The following MIDEAS variants were observed in gnomAD, a reference collection of about 807,000 sequenced individuals.
MIDEAS encodes mitotic deacetylase-associated SANT domain protein.
In MIDEAS, 26 loss-of-function variants were observed where a neutral mutation model predicts 102.7. That is an observed-to-expected ratio of 0.25 (90% CI 0.19 to 0.35). The LOEUF (loss-of-function observed/expected upper bound fraction) is 0.35. Ranked by LOEUF, MIDEAS falls within the 10% of genes least tolerant of loss-of-function variation. The pLI, the probability that MIDEAS is intolerant of heterozygous loss-of-function variation, is 1.00. For missense variants in MIDEAS, 1,231 were observed against 1,435.6 expected, an observed-to-expected ratio of 0.86 and a Z score of 2.30; for synonymous variants, 585 against 591.0, an observed-to-expected ratio of 0.99 and a Z score of 0.15.
At chr14:73,771,014 C>T (rs1016622418) in intron 1 of MIDEAS, among the ~76,000 whole-genome samples, 7 of 152,082 alleles carry the variant, frequency 4.6e-5, no homozygotes, top group African/African-American at 1.7e-4. Flanking sequence ...GGAATAAACA[C>T]GATATTCTAG....
chr14:73,729,675 G>A lies in MIDEAS; in HGVS notation c.2060C>T (p.Thr687Met), dbSNP rs746905886. The part of the protein sequence containing the change: ...TSTIPAPPPI[T>M]PKSAHRTLLR... ...CAGCGTGCGATGGGCACTCTTAGGCGTGATGGGAGGAGGGGCAGGGATGGT... is the reference window on the plus strand; with the variant it reads ...CAGCGTGCGATGGGCACTCTTAGGCATGATGGGAGGAGGGGCAGGGATGGT... The change falls in exon 4 of 13, where the codon ACG becomes ATG. Residue 687 changes from threonine (T) to methionine (M), a missense_variant. Around this residue, in one of 5 missense-constraint regions of MIDEAS, gnomAD observed 391 missense variants for 483.0 expected, o/e 0.81. Coordinates refer to ENST00000423556, the MANE Select transcript of MIDEAS (RefSeq NM_001367710.1). The A allele has an allele frequency of 8.1e-6, 13 of 1,613,472 alleles. No homozygotes were observed. In the Admixed American group the frequency reaches 1.5e-4, roughly 19 times the overall value.
In MIDEAS at chr14:73,719,443, C is replaced by T. The variant is rs1391436607; in HGVS notation, c.2996G>A (p.Gly999Asp). The T allele has an allele frequency of 7.4e-6, 12 of 1,613,944 alleles. No homozygotes were observed. Among genetic ancestry groups the T allele is most frequent in the Non-Finnish European group, 1.0e-5 (12 of 1,180,004 alleles). ...HESNAPGSAG[G>D]QASEKPREGT... is the part of the protein sequence containing the mutation. The stretch of plus-strand genomic sequence containing the variant: ...TTCCCTTGGCTTCTCCGAGGCCTGG[C>T]CACCGGCAGACCCAGGGGCGTTGGA... The change falls in exon 12 of 13, where the codon GGC becomes GAC. Residue 999 changes from glycine to aspartate, a missense_variant. By Grantham distance (94) the Gly-to-Asp change is moderately conservative. Around this residue, in one of 5 missense-constraint regions of MIDEAS, gnomAD observed 391 missense variants for 483.0 expected, o/e 0.81. Transcript: ENST00000423556.
rs115389933 is a variant in MIDEAS at position 73,786,218 on chromosome 14, T to A, written c.-248+884A>T. Among the ~76,000 whole-genome samples the A allele has an allele frequency of 9.0e-3, 1,367 of 152,304 alleles. 25 individuals carry two copies. Among genetic ancestry groups the A allele is most frequent in the African/African-American group, 0.032 (1,323 of 41,574 alleles). On this transcript the variant is annotated intron_variant, in intron 1 of 11. Transcript: ENST00000394071. ...CTGGCCCGGGCCGCCAGCCCCTAGT[T>A]ACTCTGCAGGAATGTCCCAAACTTC...
At chr14:73,752,311 T>C (rs941880523) in intron 1 of MIDEAS, among the ~76,000 whole-genome samples, 2 of 152,102 alleles carry the variant, frequency 1.3e-5, no homozygotes, top group Non-Finnish European at 2.9e-5. Context: ...CCCAGGTAGA[T>C]GTTCTCACAC....
At chr14:73,786,769 G>A (rs1236982722) in intron 1 of MIDEAS, among the ~76,000 whole-genome samples, 2 of 152,248 alleles carry the variant, frequency 1.3e-5, no homozygotes, top group Non-Finnish European at 2.9e-5. Context: ...CCAGCCTGCA[G>A]GGATGGAGGC....
rs568369589 is a variant in MIDEAS, at chr14:73,739,686, G to A, written c.323C>T (p.Pro108Leu). ...PNSVMAPGRG[P>L]ERGGGGGVSD... ...GACACCCCCACCTCCTCCACGCTCC[G>A]GGCCCCGCCCTGGAGCCATCACAGA... is the stretch of plus-strand genomic sequence containing the variant. Residue 108 changes from proline to leucine, a missense_variant, in exon 2 of 13, where the codon CCG becomes CTG. Transcript: ENST00000423556. 4.4e-5 allele frequency: 71 copies of A among 1,613,832 alleles called. 2 individuals are homozygous for A. Among genetic ancestry groups the A allele is most frequent in the South Asian group, 4.1e-4 (37 of 91,060 alleles).
rs900431263 is a variant in MIDEAS, at chr14:73,759,512, G to T, written c.-248+251C>A. Among the ~76,000 whole-genome samples the T allele has an allele frequency of 6.7e-6, 1 of 150,024 alleles. No individual in the cohort carries two copies. The highest frequency in any genetic ancestry group is 1.5e-5 in the Non-Finnish European group (1 of 67,218). On this transcript the variant is annotated intron_variant, in intron 1 of 12. Coordinates refer to ENST00000423556, the MANE Select transcript of MIDEAS (RefSeq NM_001367710.1). The surrounding 1 kb of genome is among the most constrained non-coding windows in gnomAD (Gnocchi z 6.7). Reference sequence around the variant, plus strand: ...GGCTGCGCTGCACACGCAGCTGCGGGCCGAGGGCGCGGACCGCGGGGGAGG... The same window carrying T: ...GGCTGCGCTGCACACGCAGCTGCGGTCCGAGGGCGCGGACCGCGGGGGAGG...
chr14:73,717,934 G>GC lies in MIDEAS; in HGVS notation c.*908dup, dbSNP rs11454926. 1 allele frequency: 152,316 copies of GC among 152,318 alleles called. 76,157 individuals carry two copies. Among genetic ancestry groups the GC allele is most frequent in the Middle Eastern group, 1 (294 of 294 alleles). The allele number at this position is 152,318 out of a possible 1,614,324, so 9.4% of individuals were successfully genotyped here. ...GGTCAGAGCAGAGGCAAGGAGGCTG[G>GC]CCCCAGGAGGGGCAGGCTGAGCCTC... On this transcript the variant is annotated 3_prime_UTR_variant, in exon 13 of 13. Transcript: ENST00000423556.
rs1012394127 is a variant in MIDEAS at position 73,721,281 on chromosome 14, T to A, written c.2937+16A>T. 14 of 1,610,212 alleles carry A rather than the reference T, an allele frequency of 8.7e-6. No individual in the cohort carries two copies. Among genetic ancestry groups the A allele is most frequent in the Non-Finnish European group, 1.2e-5 (14 of 1,179,464 alleles). On this transcript the variant is annotated intron_variant, in intron 11 of 12. Transcript: ENST00000423556. ...CCCTGCTTGCCCTGGGCTCAGCCCA[T>A]GGTGGTCACACTCACCGACTCATTG...
At position 73,729,993 on chromosome 14, in the gene MIDEAS, A is replaced by T; in HGVS notation, c.1750-8T>A. 6.2e-7 allele frequency: 1 copy of T among 1,603,476 alleles called. No homozygotes were observed. Among genetic ancestry groups the T allele is most frequent in the Non-Finnish European group, 8.5e-7 (1 of 1,173,076 alleles). On this transcript the variant is annotated splice_region_variant and splice_polypyrimidine_tract_variant and intron_variant, in intron 3 of 12. Coordinates refer to ENST00000423556, the MANE Select transcript of MIDEAS (RefSeq NM_001367710.1). ...GACATTCATGTCCTCTGCCTGGAGA[A>T]GGAAAGAAAACAAGGACGGCTCAGC...
At chr14:73,772,212 G>C (rs549618579) in intron 1 of MIDEAS, among the ~76,000 whole-genome samples, 1 of 152,348 alleles carries the variant, frequency 6.6e-6, no homozygotes, top group East Asian at 1.9e-4. Flanking sequence ...AGTAACAGAT[G>C]GGAGTCCCTC....
rs1409506948 is a variant in MIDEAS at position 73,719,021 on chromosome 14, G to A, written c.3135-13C>T. The A allele has an allele frequency of 3.0e-5, 44 of 1,468,890 alleles. No individual in the cohort carries two copies. The highest frequency in any genetic ancestry group is 3.9e-5 in the Non-Finnish European group (44 of 1,117,408). 91.0% of individuals were successfully genotyped at this position (1,468,890 alleles called of 1,614,324 possible). On this transcript the variant is annotated splice_polypyrimidine_tract_variant and intron_variant, in intron 12 of 12. Coordinates refer to ENST00000423556, the MANE Select transcript of MIDEAS (RefSeq NM_001367710.1). ...CTTGTAAAACACCCTGCAGCCGGGT[G>A]GGGGTTGCTCAGAACCGGCCTAGCC...
Position 73,738,915 on chromosome 14 carries a change from G to A in MIDEAS, c.1094C>T (p.Thr365Ile), listed in dbSNP as rs933730127. 6 of 1,531,708 alleles carry A rather than the reference G, an allele frequency of 3.9e-6. No homozygotes were observed. The South Asian group carries it at 5.2e-5, about 13-fold the overall frequency. The allele number at this position is 1,531,708 out of a possible 1,614,324, so 94.9% of individuals were successfully genotyped here. A position where few individuals can be genotyped will look rare whatever the true frequency, so the allele number is the denominator to read the frequency against. The change falls in exon 2 of 13, where the codon ACC becomes ATC. Residue 365 changes from threonine to isoleucine, a missense_variant. This residue lies in a region of MIDEAS where 758 missense variants were observed against 856.0 expected (regional missense o/e 0.89). Coordinates refer to ENST00000423556, the MANE Select transcript of MIDEAS (RefSeq NM_001367710.1). ...LPPSALDGAG[T>I]QPGQEATGNL... ...GCCAGTGGCCTCCTGCCCAGGCTGGGTGCCAGCCCCATCCAGGGCGCTGGG... is the reference window on the plus strand; with the variant it reads ...GCCAGTGGCCTCCTGCCCAGGCTGGATGCCAGCCCCATCCAGGGCGCTGGG...
chr14:73,743,864 C>A (rs1333314224), intron 1 of MIDEAS, among the ~76,000 whole-genome samples: 1 of 152,106 alleles, frequency 6.6e-6, no homozygotes, highest in Non-Finnish European at 1.5e-5. Flanking sequence ...GTTTGACTGT[C>A]ACGCTCTATT....
intron 1 of MIDEAS, among the ~76,000 whole-genome samples, chr14:73,754,130 G>A (rs983872303): frequency 3.3e-5 from 5 of 152,174 alleles, no homozygotes; most frequent in South Asian, 2.1e-4. Context: ...TATTTTTGGC[G>A]CCTCTTCTGC....
At position 73,768,980 on chromosome 14, in the gene MIDEAS, A is replaced by G. The variant is rs575238404; in HGVS notation, c.-248+18122T>C. Among the ~76,000 whole-genome samples, 27 of 152,244 alleles carry G rather than the reference A, an allele frequency of 1.8e-4. 1 individual carries two copies. The highest frequency in any genetic ancestry group is 6.5e-4 in the African/African-American group (27 of 41,530). The stretch of plus-strand genomic sequence containing the variant: ...CCCAGGCCACGAGTCACTGTCATTT[A>G]TCATCACACTCTGCCAGCCTCTGTC... On this transcript the variant is annotated intron_variant, in intron 1 of 11. Coordinates refer to the MIDEAS transcript ENST00000394071.
In MIDEAS at chr14:73,738,668, C is replaced by T; in HGVS notation, c.1341G>A (p.Arg447=). 6.2e-7 allele frequency: 1 copy of T among 1,613,912 alleles called. No homozygotes were observed. Among genetic ancestry groups the T allele is most frequent in the Non-Finnish European group, 8.5e-7 (1 of 1,179,968 alleles). Residue 447 remains arginine (R), a synonymous_variant, in exon 2 of 13, where the codon CGG becomes CGA. Transcript: ENST00000423556. ...VSTGDCGQVL[R]GGVIQSTRRR... ...GTCGCGTGCTCTGGATCACTCCGCC[C>T]CGTAGCACCTGCCCACAGTCCCCTG... is the stretch of plus-strand genomic sequence containing the variant.
chr14:73,761,755 A>G (rs1408465302), upstream of MIDEAS, among the ~76,000 whole-genome samples: 1 of 152,156 alleles, frequency 6.6e-6, no homozygotes, highest in African/African-American at 2.4e-5. Flanking sequence ...GCACTTCTCC[A>G]TACAGTCTCC....
chr14:73,753,083 G>A (rs898839478), intron 1 of MIDEAS, among the ~76,000 whole-genome samples: 5 of 152,198 alleles, frequency 3.3e-5, no homozygotes, highest in African/African-American at 9.7e-5. Flanking sequence ...AGGTCCCCAG[G>A]AAGCCCACAC....
Sources: gnomAD v4.1 joint callset for allele counts (sites outside exome capture counted in the v4.1 genomes callset) on GRCh38, gnomAD v4.1.1 for gene constraint, gnomAD v4.1.1 regional missense constraint, Gnocchi (gnomAD v3.1) non-coding constraint, MANE v1.5 for transcripts, NCBI Gene and HGNC (gene_info 2026-07-23, HGNC 2026-07-21) for gene names.